The following PRMT8 variants were observed in gnomAD, a reference collection of about 807,000 sequenced individuals.
The protein encoded by PRMT8 is protein arginine N-methyltransferase 8.
PRMT8 carries 7 observed loss-of-function variants against 47.1 expected under a neutral mutation model. The observed-to-expected ratio is 0.15, with a 90% CI of 0.08 to 0.28. The LOEUF is 0.28. PRMT8 is among the 10% of genes least tolerant of loss of function. PRMT8 has a pLI of 1.00. For missense variants in PRMT8, 237 were observed against 505.4 expected (o/e 0.47, Z 5.09); for synonymous variants, 188 against 186.5 (o/e 1.01, Z -0.07).
chr12:3,550,298 C>A lies in PRMT8; in HGVS notation c.417+207C>A. On this transcript the variant is annotated intron_variant, in intron 3 of 9. Coordinates refer to ENST00000382622, the MANE Select transcript of PRMT8 (RefSeq NM_019854.5). The surrounding 1 kb of genome is among the most constrained non-coding windows in gnomAD (Gnocchi z 5.1). ...TGCATGGCTCCTGGATCCTTACAAC[C>A]ACTGACATTTGCGGAGGAACTGTGG... 1.8e-6 allele frequency: 1 copy of A among 560,574 alleles called. No individual in the cohort carries two copies. The highest frequency in any genetic ancestry group is 1.9e-5 in the African/African-American group (1 of 53,708). 34.7% of individuals were successfully genotyped at this position (560,574 alleles called of 1,614,324 possible).
chr12:3,387,945 G>A (rs1864157195), intron 1 of PRMT8, among the ~76,000 whole-genome samples: 1 of 152,118 alleles, frequency 6.6e-6, no homozygotes, highest in South Asian at 2.1e-4. Flanking sequence ...ACTCAGGAAA[G>A]TTAACATTAA....
intron 7 of PRMT8, among the ~76,000 whole-genome samples, chr12:3,579,524 C>T (rs1476854580): frequency 2.0e-5 from 3 of 152,058 alleles, no homozygotes; most frequent in African/African-American, 4.8e-5. Context: ...TCTCAGGACT[C>T]GTGACCTGTG....
chr12:3,437,541 C>T (rs1341190454), intron 1 of PRMT8, among the ~76,000 whole-genome samples: 3 of 151,546 alleles, frequency 2.0e-5, no homozygotes, highest in Non-Finnish European at 4.4e-5. Context: ...TCAAGTAGGC[C>T]TCAGTGTCTG....
upstream of PRMT8, among the ~76,000 whole-genome samples, chr12:3,490,332 G>A (rs1591566906): frequency 6.6e-6 from 1 of 152,098 alleles, no homozygotes; most frequent in South Asian, 2.1e-4. Flanking sequence ...AGAAAAAGAA[G>A]CTCTCAAAGT....
Position 3,532,071 on chromosome 12 carries a change from G to C in PRMT8, c.76-8535G>C, listed in dbSNP as rs145110303. Among the ~76,000 whole-genome samples the C allele has an allele frequency of 2.3e-3, 355 of 152,228 alleles. 4 individuals are homozygous for C. Among genetic ancestry groups the C allele is most frequent in the African/African-American group, 8.4e-3 (348 of 41,542 alleles). ...TTTCATTGGTCTGCGGTGGGCTGGA[G>C]ATCCACCAGCGACGGCCGACATGGA... On this transcript the variant is annotated intron_variant, in intron 1 of 9. Coordinates refer to ENST00000382622, the MANE Select transcript of PRMT8 (RefSeq NM_019854.5).
At chr12:3,495,339 T>G (rs1192145753) in intron 1 of PRMT8, among the ~76,000 whole-genome samples, 1 of 152,224 alleles carries the variant, frequency 6.6e-6, no homozygotes. Flanking sequence ...CTTAGCATGG[T>G]GTGCAAAGCC....
At chr12:3,451,678 G>A (rs1391816119) in intron 1 of PRMT8, among the ~76,000 whole-genome samples, 1 of 152,198 alleles carries the variant, frequency 6.6e-6, no homozygotes, top group Non-Finnish European at 1.5e-5. Flanking sequence ...AGCCGAGAGA[G>A]CTATGCATTT....
intron 1 of PRMT8, among the ~76,000 whole-genome samples, chr12:3,523,972 G>A (rs939614818): frequency 2.0e-5 from 3 of 152,156 alleles, no homozygotes; most frequent in East Asian, 1.9e-4. Flanking sequence ...GCGACTACTC[G>A]GCTCTTCATA....
intron 4 of PRMT8, among the ~76,000 whole-genome samples, chr12:3,563,843 C>T (rs113522999): frequency 3.3e-4 from 51 of 152,296 alleles, no homozygotes; most frequent in African/African-American, 1.2e-3. Context: ...CGGAAAATCA[C>T]TCTGCAAGCT....
chr12:3,457,477 A>C (rs1864987225), intron 1 of PRMT8, among the ~76,000 whole-genome samples: 1 of 151,722 alleles, frequency 6.6e-6, no homozygotes, highest in Non-Finnish European at 1.5e-5. Flanking sequence ...CATCCAGCTA[A>C]TTTTTAATTT....
At chr12:3,590,025 G>C (rs182168326) in intron 8 of PRMT8, among the ~76,000 whole-genome samples, 1 of 152,346 alleles carries the variant, frequency 6.6e-6, no homozygotes, top group East Asian at 1.9e-4. Context: ...AGAGGTAGCT[G>C]GGAGAGATGG....
Position 3,550,137 on chromosome 12 carries a change from C to A in PRMT8, c.417+46C>A. The A allele has an allele frequency of 1.3e-6, 2 of 1,599,802 alleles. No individual in the cohort carries two copies. Among genetic ancestry groups the A allele is most frequent in the Non-Finnish European group, 1.7e-6 (2 of 1,169,898 alleles). On this transcript the variant is annotated intron_variant, in intron 3 of 9. Transcript: ENST00000382622. The surrounding 1 kb of genome is among the most constrained non-coding windows in gnomAD (Gnocchi z 5.1). Reference sequence around the variant, plus strand: ...TGCATGCTGGCTTCCACAGAGCCAGCCTCTTGCCCTCTGCCTCCACCCGCC... The same window carrying A: ...TGCATGCTGGCTTCCACAGAGCCAGACTCTTGCCCTCTGCCTCCACCCGCC...
intron 1 of PRMT8, among the ~76,000 whole-genome samples, chr12:3,426,615 C>T (rs1864607056): frequency 6.6e-6 from 1 of 152,076 alleles, no homozygotes; most frequent in Admixed American, 6.5e-5. Flanking sequence ...TATAACAAGG[C>T]AAGCATTAAA....
At position 3,543,406 on chromosome 12, in the gene PRMT8, C is replaced by T. The variant is rs750699835; in HGVS notation, c.261+2615C>T. The stretch of plus-strand genomic sequence containing the variant: ...GATCTCTGTTCCATGCCAGATGGAT[C>T]GTGGTGATGCCCTTGCCTCCTTGGT... On this transcript the variant is annotated intron_variant, in intron 2 of 9. Transcript: ENST00000382622. 3.9e-5 allele frequency among the ~76,000 whole-genome samples: 6 copies of T among 152,282 alleles called. 1 individual carries two copies. Among genetic ancestry groups the T allele is most frequent in the South Asian group, 4.2e-4 (2 of 4,816 alleles).
chr12:3,397,691 G>A (rs994884379), intron 1 of PRMT8, among the ~76,000 whole-genome samples: 1 of 152,132 alleles, frequency 6.6e-6, no homozygotes, highest in African/African-American at 2.4e-5. Flanking sequence ...CCCCAGAGGT[G>A]GAGCCTACAG....
chr12:3,546,620 GA>G (rs1242771788), intron 2 of PRMT8, among the ~76,000 whole-genome samples: 2 of 152,070 alleles, frequency 1.3e-5, no homozygotes, highest in Admixed American at 6.6e-5. Context: ...TGTCAAAACT[GA>G]CATAAAATGC....
At chr12:3,476,480 T>G (rs1248867665) in intron 1 of PRMT8, among the ~76,000 whole-genome samples, 1 of 152,164 alleles carries the variant, frequency 6.6e-6, no homozygotes, top group Non-Finnish European at 1.5e-5. Context: ...GGTCTGCATC[T>G]GTCCAGAAGG....
intron 4 of PRMT8, among the ~76,000 whole-genome samples, chr12:3,565,088 G>T (rs1384183085): frequency 6.6e-6 from 1 of 152,312 alleles, no homozygotes; most frequent in Middle Eastern, 3.4e-3. Flanking sequence ...GACCCAGGAA[G>T]TGTTGAAAAT....
chr12:3,571,559 C>T (rs1866846335), intron 6 of PRMT8, among the ~76,000 whole-genome samples: 1 of 151,960 alleles, frequency 6.6e-6, no homozygotes, highest in Admixed American at 6.5e-5. Flanking sequence ...AGGCACTGGC[C>T]CCAGACTGGA....
Sources: allele counts gnomAD v4.1 joint callset (sites outside exome capture counted in the v4.1 genomes callset), GRCh38; gene constraint gnomAD v4.1.1; non-coding constraint Gnocchi (gnomAD v3.1); transcripts MANE v1.5; gene names NCBI Gene and HGNC (gene_info 2026-07-23, HGNC 2026-07-21).